AEN: variants seen among roughly 807,000 people sequenced by gnomAD.
AEN encodes the protein apoptosis-enhancing nuclease.
In AEN, 21 loss-of-function variants were observed where a neutral mutation model predicts 17.7. The ratio of observed to expected loss-of-function variants is 1.19; its 90% CI spans 0.84 to 1.71. The LOEUF (loss-of-function observed/expected upper bound fraction) is 1.71, where lower values mean the gene tolerates loss of function less well. Among genes scored for constraint, AEN ranks in the 40% most tolerant of loss-of-function variants. The pLI, the probability that AEN is intolerant of heterozygous loss-of-function variation, is 0.00. For missense variants in AEN, 462 were observed against 435.9 expected (o/e 1.06, Z -0.53); for synonymous variants, 190 against 173.0 (o/e 1.10, Z -0.77).
chr15:88,625,620 G>A (rs1041574732), intron 1 of AEN, among the ~76,000 whole-genome samples: 6 of 152,192 alleles, frequency 3.9e-5, no homozygotes, highest in African/African-American at 1.4e-4. Context: ...GTTGTGCTGA[G>A]GATCTGTGCC....
the AEN span, among the ~76,000 whole-genome samples, chr15:88,605,847 G>A: frequency 2.5e-4 from 38 of 152,332 alleles, no homozygotes; most frequent in Middle Eastern, 3.4e-3. This position sits in a 1 kb window ranked among gnomAD's most constrained non-coding sequence, Gnocchi z 7.6. Flanking sequence ...CCGGCCCTAG[G>A]GTGCCCATGG....
At chr15:88,614,512 T>C in the AEN span, among the ~76,000 whole-genome samples, 1 of 152,206 alleles carries the variant, frequency 6.6e-6, no homozygotes, top group African/African-American at 2.4e-5. Flanking sequence ...AACTTACTAC[T>C]TTTTAAGGTA....
At chr15:88,622,867 G>T (rs1261415897) in intron 1 of AEN, among the ~76,000 whole-genome samples, 2 of 152,160 alleles carry the variant, frequency 1.3e-5, no homozygotes, top group Non-Finnish European at 1.5e-5. Flanking sequence ...AACAATATGA[G>T]GGGGAGGTCT....
Position 88,632,268 on chromosome 15 carries a change from C to T in AEN, c.*1974C>T, listed in dbSNP as rs2057938609. 1 of 152,048 alleles carries T rather than the reference C, an allele frequency of 6.6e-6. No individual in the cohort carries two copies. Among genetic ancestry groups the T allele is most frequent in the Non-Finnish European group, 1.5e-5 (1 of 68,026 alleles). 9.4% of individuals were successfully genotyped at this position (152,048 alleles called of 1,614,324 possible). The stretch of plus-strand genomic sequence containing the variant: ...AAACCATTTGTTCTAGAATAAAACT[C>T]AATTGGAAACGTGGGTGAAGTGGCC... On this transcript the variant is annotated 3_prime_UTR_variant, in exon 4 of 4. Coordinates refer to ENST00000332810, the MANE Select transcript of AEN (RefSeq NM_022767.4).
chr15:88,619,214 G>A (rs1422662946), upstream of AEN, among the ~76,000 whole-genome samples: 1 of 152,176 alleles, frequency 6.6e-6, no homozygotes, highest in Admixed American at 6.5e-5. Flanking sequence ...TTCTCCTGGA[G>A]ACTTTTATTT....
At position 88,630,617 on chromosome 15, in the gene AEN, G is replaced by A. The variant is rs890420227; in HGVS notation, c.*323G>A. On this transcript the variant is annotated 3_prime_UTR_variant, in exon 4 of 4. Transcript: ENST00000332810. The surrounding 1 kb of genome is among the most constrained non-coding windows in gnomAD (Gnocchi z 5.1). ...GTGCCAACAGACTGCCCAGGTTGCCGTGGCCTTCCCCACCCCCCAGATCTC... is the reference window on the plus strand; with the variant it reads ...GTGCCAACAGACTGCCCAGGTTGCCATGGCCTTCCCCACCCCCCAGATCTC... 2.4e-5 allele frequency: 8 copies of A among 339,860 alleles called. No individual in the cohort carries two copies. Among genetic ancestry groups the A allele is most frequent in the South Asian group, 6.6e-5 (2 of 30,132 alleles). 21.1% of individuals were successfully genotyped at this position (339,860 alleles called of 1,614,324 possible).
upstream of AEN, among the ~76,000 whole-genome samples, chr15:88,618,187 A>G (rs1254270402): frequency 6.6e-6 from 1 of 152,214 alleles, no homozygotes; most frequent in Non-Finnish European, 1.5e-5. Context: ...CCTTTTAAAT[A>G]AAATCTCTCT....
At chr15:88,620,314 A>G (rs2057771933), upstream of AEN, among the ~76,000 whole-genome samples, 1 of 152,112 alleles carries the variant, frequency 6.6e-6, no homozygotes, top group Non-Finnish European at 1.5e-5. Context: ...TTAACTGAGT[A>G]TTTTGCCTGG....
In AEN at chr15:88,631,166, C is replaced by T. The variant is rs377352582; in HGVS notation, c.*872C>T. 1.5e-4 allele frequency: 67 copies of T among 456,686 alleles called. No individual in the cohort carries two copies. The East Asian group carries it at 3.8e-3, about 26-fold the overall frequency. The allele number at this position is 456,686 out of a possible 1,614,324, so 28.3% of individuals were successfully genotyped here. A position where few individuals can be genotyped will look rare whatever the true frequency, so the allele number is the denominator to read the frequency against. On this transcript the variant is annotated 3_prime_UTR_variant, in exon 4 of 4. Coordinates refer to ENST00000332810, the MANE Select transcript of AEN (RefSeq NM_022767.4). ...CAAGACAGTGGTTTGAATTCTGGGGCCTTTGTGTAGGATTGTGCCTGACCT... is the reference window on the plus strand; with the variant it reads ...CAAGACAGTGGTTTGAATTCTGGGGTCTTTGTGTAGGATTGTGCCTGACCT...
upstream of AEN, among the ~76,000 whole-genome samples, chr15:88,617,117 G>A (rs116452806): frequency 3.4e-4 from 52 of 152,198 alleles, no homozygotes; most frequent in African/African-American, 1.2e-3. Flanking sequence ...TAGAGGTGGG[G>A]TCTCACTATG....
upstream of AEN, among the ~76,000 whole-genome samples, chr15:88,619,261 T>G (rs1311785460): frequency 6.6e-6 from 1 of 152,162 alleles, no homozygotes; most frequent in African/African-American, 2.4e-5. Context: ...TTAGAACAGG[T>G]GCAGTGTGAA....
At chr15:88,629,951 G>A (rs191550644) in intron 3 of AEN, 107 bp from the exon 4 acceptor site, 210 of 984,732 alleles carry the variant, frequency 2.1e-4, no homozygotes, top group Non-Finnish European at 3.2e-4. Context: ...CTGAGCATAC[G>A]TATTCTTGGG....
Position 88,626,299 on chromosome 15 carries a change from C to A in AEN, c.90C>A (p.His30Gln). ...CCAAGGATGTGCTTCGGAAGAGGCA[C>A]AAGAGAAGGAGCCGACAGCACCAGC... Reference protein sequence around the residue: ...PNAKDVLRKRHKRRSRQHQRF... With the variant: ...PNAKDVLRKRQKRRSRQHQRF... The change falls in exon 2 of 4, where the codon CAC (histidine) becomes CAA (glutamine). Residue 30 changes from histidine (H) to glutamine (Q), a missense_variant. Transcript: ENST00000332810. 6.2e-7 allele frequency: 1 copy of A among 1,613,656 alleles called. No homozygotes were observed.
chr15:88,630,018 C>G lies in AEN; in HGVS notation c.742-40C>G, dbSNP rs2057905899. On this transcript the variant is annotated intron_variant, in intron 3 of 3. Coordinates refer to ENST00000332810, the MANE Select transcript of AEN (RefSeq NM_022767.4). The surrounding 1 kb of genome is among the most constrained non-coding windows in gnomAD (Gnocchi z 5.1). ...GCTTCTTGGGGTAACAGGCCTCTCA[C>G]TAGGCCTGCAGGCAGTGATGTGTTG... The G allele has an allele frequency of 1.9e-6, 3 of 1,593,638 alleles. No homozygotes were observed. The Admixed American group carries it at 5.0e-5, about 27-fold the overall frequency.
the AEN span, among the ~76,000 whole-genome samples, chr15:88,609,192 G>A: frequency 1.1e-4 from 16 of 152,222 alleles, no homozygotes; most frequent in African/African-American, 2.9e-4. Context: ...AGAGTTCAGC[G>A]GTACCATGAG....
rs201760461 is a variant in AEN, at chr15:88,630,116, G to A, written c.800G>A (p.Arg267Gln). The A allele has an allele frequency of 2.1e-5, 34 of 1,613,750 alleles. No homozygotes were observed. The highest frequency in any genetic ancestry group is 1.0e-4 in the Admixed American group (6 of 60,000). Reference sequence around the variant, plus strand: ...GCCACGACAGCCATGGAGCTCTACCGGCTGGTGGAGGTGCAGTGGGAACAG... The same window carrying A: ...GCCACGACAGCCATGGAGCTCTACCAGCTGGTGGAGGTGCAGTGGGAACAG... The part of the protein sequence containing the change: ...EDATTAMELY[R>Q]LVEVQWEQQE... Residue 267 changes from arginine (R) to glutamine (Q), a missense_variant, in exon 4 of 4, where the codon CGG becomes CAG. By Grantham distance (43) the Arg-to-Gln change is conservative. Coordinates refer to ENST00000332810, the MANE Select transcript of AEN (RefSeq NM_022767.4). The surrounding 1 kb of genome is among the most constrained non-coding windows in gnomAD (Gnocchi z 5.1).
upstream of AEN, among the ~76,000 whole-genome samples, chr15:88,620,298 T>C (rs1030451955): frequency 2.0e-5 from 3 of 152,208 alleles, no homozygotes; most frequent in African/African-American, 7.2e-5. Flanking sequence ...AAGGTCATTG[T>C]ACAAATTAAC....
At chr15:88,619,969 A>C (rs1453978985), upstream of AEN, among the ~76,000 whole-genome samples, 1 of 152,148 alleles carries the variant, frequency 6.6e-6, no homozygotes, top group Non-Finnish European at 1.5e-5. Flanking sequence ...TGCAGCCAGA[A>C]CAAGTTTTTT....
Position 88,631,579 on chromosome 15 carries a change from G to A in AEN, c.*1285G>A, listed in dbSNP as rs568875863. 7 of 162,902 alleles carry A rather than the reference G, an allele frequency of 4.3e-5. No individual in the cohort carries two copies. The highest frequency in any genetic ancestry group is 8.1e-5 in the Non-Finnish European group (6 of 73,696). 10.1% of individuals were successfully genotyped at this position (162,902 alleles called of 1,614,324 possible). A position where few individuals can be genotyped will look rare whatever the true frequency, so the allele number is the denominator to read the frequency against. Reference sequence around the variant, plus strand: ...ACGGCCTACCTCATAGGGTTGTAATGAGCACTAAATGTGAAGTGCTTGGCA... The same window carrying A: ...ACGGCCTACCTCATAGGGTTGTAATAAGCACTAAATGTGAAGTGCTTGGCA... On this transcript the variant is annotated 3_prime_UTR_variant, in exon 4 of 4. Coordinates refer to ENST00000332810, the MANE Select transcript of AEN (RefSeq NM_022767.4).
Sources: gnomAD v4.1 joint callset for allele counts (sites outside exome capture counted in the v4.1 genomes callset) on GRCh38, gnomAD v4.1.1 for gene constraint, Gnocchi (gnomAD v3.1) non-coding constraint, MANE v1.5 for transcripts, NCBI Gene and HGNC (gene_info 2026-07-23, HGNC 2026-07-21) for gene names.